Variants in SSR1 observed in about 807,000 individuals in gnomAD.
SSR1 encodes translocon-associated protein subunit alpha.
In SSR1, 13 loss-of-function variants were observed where a neutral mutation model predicts 36.1. The observed-to-expected ratio is 0.36, with a 90% CI of 0.23 to 0.57. The LOEUF (loss-of-function observed/expected upper bound fraction) is 0.57, where lower values mean the gene tolerates loss of function less well. Among genes scored for constraint, SSR1 ranks in the 20% least tolerant of loss-of-function variants. The pLI, the probability that SSR1 is intolerant of heterozygous loss-of-function variation, is 0.81. For missense variants in SSR1, 291 were observed against 338.5 expected, an observed-to-expected ratio of 0.86 and a Z score of 1.10; for synonymous variants, 113 against 118.9, an observed-to-expected ratio of 0.95 and a Z score of 0.32.
intron 4 of SSR1, among the ~76,000 whole-genome samples, chr6:7,299,242 A>G (rs1412563586): frequency 6.6e-6 from 1 of 152,254 alleles, no homozygotes; most frequent in Non-Finnish European, 1.5e-5. Flanking sequence ...AAAATGAGAT[A>G]AAACGTGCAG....
intron 2 of SSR1, among the ~76,000 whole-genome samples, chr6:7,308,894 G>A (rs879892288): frequency 2.6e-5 from 4 of 152,180 alleles, no homozygotes; most frequent in Non-Finnish European, 5.9e-5. Flanking sequence ...AAAAGAAACT[G>A]AGACCCACAG....
intron 2 of SSR1, among the ~76,000 whole-genome samples, chr6:7,306,379 G>A (rs907045162): frequency 4.0e-5 from 6 of 151,694 alleles, no homozygotes; most frequent in Non-Finnish European, 7.4e-5. Context: ...TCCTGACCTC[G>A]TGATCCACCC....
intron 3 of SSR1, among the ~76,000 whole-genome samples, chr6:7,301,902 G>A (rs1476768462): frequency 6.6e-6 from 1 of 152,182 alleles, no homozygotes; most frequent in Non-Finnish European, 1.5e-5. Flanking sequence ...GTGTGTTGGT[G>A]AAGTCACCTT....
rs1179039097 is a variant in SSR1 at position 7,282,962 on chromosome 6, C to G, written c.*6902G>C. 1 of 152,274 alleles carries G rather than the reference C, an allele frequency of 6.6e-6. No individual in the cohort carries two copies. The highest frequency in any genetic ancestry group is 1.5e-5 in the Non-Finnish European group (1 of 68,054). 9.4% of individuals were successfully genotyped at this position (152,274 alleles called of 1,614,324 possible). A position where few individuals can be genotyped will look rare whatever the true frequency, so the allele number is the denominator to read the frequency against. On this transcript the variant is annotated 3_prime_UTR_variant, in exon 8 of 8. Coordinates refer to ENST00000244763, the MANE Select transcript of SSR1 (RefSeq NM_003144.5). ...ATCCGCTTCTCATACGTACCAAGGA[C>G]CAACTGCTTTGAATCTTCCACTGTG...
At chr6:7,303,471 T>C (rs572144012) in intron 3 of SSR1, 79 bp downstream of exon 3, 6 of 902,524 alleles carry the variant, frequency 6.6e-6, no homozygotes, top group South Asian at 5.1e-5. Context: ...TTTACAGATA[T>C]GGGTATTCAG....
intron 4 of SSR1, 62 bp from the exon 5 acceptor site, chr6:7,298,885 A>C: frequency 8.3e-6 from 11 of 1,332,228 alleles, no homozygotes; most frequent in Non-Finnish European, 1.2e-5. Context: ...AAAACATGTA[A>C]CATTACTTAA....
At chr6:7,309,324 T>G (rs1387887572) in intron 2 of SSR1, among the ~76,000 whole-genome samples, 1 of 152,054 alleles carries the variant, frequency 6.6e-6, no homozygotes, top group Non-Finnish European at 1.5e-5. Flanking sequence ...TAGCCGGGCT[T>G]GTTGGGGCAT....
intron 1 of SSR1, 120 bp downstream of exon 1, chr6:7,312,922 G>A: frequency 3.0e-6 from 3 of 1,010,542 alleles, no homozygotes; most frequent in East Asian, 2.7e-5. Flanking sequence ...AGGGCGGAGA[G>A]AGGCCAGCGG....
rs1372462753 is a variant in SSR1, at chr6:7,281,841, AC to A, written c.*8022del. The A allele has an allele frequency of 6.6e-6, 1 of 152,250 alleles. No individual in the cohort carries two copies. The highest frequency in any genetic ancestry group is 1.5e-5 in the Non-Finnish European group (1 of 68,044). The allele number at this position is 152,250 out of a possible 1,614,324, so 9.4% of individuals were successfully genotyped here. A position where few individuals can be genotyped will look rare whatever the true frequency, so the allele number is the denominator to read the frequency against. On this transcript the variant is annotated 3_prime_UTR_variant, in exon 8 of 8. Transcript: ENST00000244763. ...TAAACACTGTAAGTGAAAATGAGTC[AC>A]AGGCAGTTAGAATGGCGTTAAGGAA... is the stretch of plus-strand genomic sequence containing the variant.
At position 7,282,901 on chromosome 6, in the gene SSR1, T is replaced by C. The variant is rs1242851464; in HGVS notation, c.*6963A>G. On this transcript the variant is annotated 3_prime_UTR_variant, in exon 8 of 8. Transcript: ENST00000244763. ...ATGCAAGGCCTTAAAATGCATTCAC[T>C]CTAATAAACTGCTCTGTAGAATTCA... The C allele has an allele frequency of 6.6e-6, 1 of 152,246 alleles. No individual in the cohort carries two copies. Among genetic ancestry groups the C allele is most frequent in the Non-Finnish European group, 1.5e-5 (1 of 68,048 alleles). The allele number at this position is 152,246 out of a possible 1,614,324, so 9.4% of individuals were successfully genotyped here. A position where few individuals can be genotyped will look rare whatever the true frequency, so the allele number is the denominator to read the frequency against.
chr6:7,297,817 G>A (rs1006831446), intron 6 of SSR1, 106 bp downstream of exon 6: 12 of 738,738 alleles, frequency 1.6e-5, no homozygotes, highest in African/African-American at 1.3e-4. Context: ...AAAGTTCTAC[G>A]TATACAAACC....
Position 7,310,224 on chromosome 6 carries a change from A to ATTTTTTT in SSR1, c.80-202_80-196dup, listed in dbSNP as rs10633004. 6.1e-4 allele frequency among the ~76,000 whole-genome samples: 85 copies of ATTTTTTT among 139,354 alleles called. 1 individual carries two copies. Among genetic ancestry groups the ATTTTTTT allele is most frequent in the Non-Finnish European group, 9.5e-4 (62 of 65,178 alleles). 91.4% of individuals were successfully genotyped at this position (139,354 alleles called of 152,430 possible). A position where few individuals can be genotyped will look rare whatever the true frequency, so the allele number is the denominator to read the frequency against. ...TAGTAGTCTTAACAACTGCATATCA[A>ATTTTTTT]TTTTTTTTTTTTTTTTTTAAGAGTC... On this transcript the variant is annotated intron_variant, in intron 1 of 7. Coordinates refer to ENST00000244763, the MANE Select transcript of SSR1 (RefSeq NM_003144.5).
intron 6 of SSR1, among the ~76,000 whole-genome samples, chr6:7,296,435 A>G (rs1279775389): frequency 1.3e-5 from 2 of 152,238 alleles, no homozygotes; most frequent in Non-Finnish European, 2.9e-5. Flanking sequence ...ATTTAAACAC[A>G]AAGTATTTCT....
At position 7,288,203 on chromosome 6, in the gene SSR1, A is replaced by AT. The variant is rs561726834; in HGVS notation, c.*1660dup. The AT allele has an allele frequency of 3.3e-5, 5 of 152,340 alleles. No individual in the cohort carries two copies. Among genetic ancestry groups the AT allele is most frequent in the Middle Eastern group, 3.4e-3 (1 of 294 alleles). 9.4% of individuals were successfully genotyped at this position (152,340 alleles called of 1,614,324 possible). A position where few individuals can be genotyped will look rare whatever the true frequency, so the allele number is the denominator to read the frequency against. Reference sequence around the variant, plus strand: ...TATTCACAAAAATGTTTTGGAATATATTCCTTGGGAATGTGAAGGGTCTCC... The same window carrying AT: ...TATTCACAAAAATGTTTTGGAATATATTTCCTTGGGAATGTGAAGGGTCTCC... On this transcript the variant is annotated 3_prime_UTR_variant, in exon 8 of 8. Coordinates refer to ENST00000244763, the MANE Select transcript of SSR1 (RefSeq NM_003144.5).
chr6:7,288,130 G>A lies in SSR1; in HGVS notation c.*1734C>T, dbSNP rs1469877788. 6.6e-6 allele frequency: 1 copy of A among 152,126 alleles called. No homozygotes were observed. 9.4% of individuals were successfully genotyped at this position (152,126 alleles called of 1,614,324 possible). Reference sequence around the variant, plus strand: ...AGGCCATTTACATTTCGTAAATTCTGTAATTACACCTTACTGTATCATGCC... The same window carrying A: ...AGGCCATTTACATTTCGTAAATTCTATAATTACACCTTACTGTATCATGCC... On this transcript the variant is annotated 3_prime_UTR_variant, in exon 8 of 8. Coordinates refer to ENST00000244763, the MANE Select transcript of SSR1 (RefSeq NM_003144.5).
rs529726404 is a variant in SSR1 at position 7,312,526 on chromosome 6, ACT to A, written c.79+514_79+515del. 1.3e-4 allele frequency among the ~76,000 whole-genome samples: 20 copies of A among 152,240 alleles called. 1 individual carries two copies. The highest frequency in any genetic ancestry group is 3.4e-3 in the Middle Eastern group (1 of 294). On this transcript the variant is annotated intron_variant, in intron 1 of 7. Coordinates refer to ENST00000244763, the MANE Select transcript of SSR1 (RefSeq NM_003144.5). ...AAGGCAGATGACCATTGAACAAGAC[ACT>A]CTGATGGCTTAGATGTGTAGAAAAC...
intron 1 of SSR1, among the ~76,000 whole-genome samples, chr6:7,311,346 T>G (rs577781828): frequency 2.6e-5 from 4 of 152,216 alleles, no homozygotes; most frequent in Non-Finnish European, 4.4e-5. Flanking sequence ...GAAAAAATGA[T>G]GATGTGGCAA....
intron 2 of SSR1, among the ~76,000 whole-genome samples, chr6:7,305,491 A>T (rs1366388628): frequency 6.6e-6 from 1 of 152,236 alleles, no homozygotes; most frequent in Non-Finnish European, 1.5e-5. Flanking sequence ...CTCTTTCAAG[A>T]AGCCACCGGT....
rs764743777 is a variant in SSR1, at chr6:7,309,937, C to T, written c.172G>A (p.Glu58Lys). The change falls in exon 2 of 8, where the codon GAA becomes AAA. Residue 58 changes from glutamate (E) to lysine (K), a missense_variant. Coordinates refer to ENST00000244763, the MANE Select transcript of SSR1 (RefSeq NM_003144.5). The part of the protein sequence containing the change: ...EDEDDEAEVE[E>K]DEPTDLVEDK... ...CTAACCAAATCTGTGGGTTCATCTT[C>T]TTCTACCTCGGCTTCATCATCTTCA... The T allele has an allele frequency of 1.2e-6, 2 of 1,613,688 alleles. No homozygotes were observed. The highest frequency in any genetic ancestry group is 1.1e-5 in the South Asian group (1 of 91,072).
Sources: gnomAD v4.1 joint callset for allele counts (sites outside exome capture counted in the v4.1 genomes callset) on GRCh38, gnomAD v4.1.1 for gene constraint, MANE v1.5 for transcripts, NCBI Gene and HGNC (gene_info 2026-07-23, HGNC 2026-07-21) for gene names.